Variants in ATG7 observed in about 807,000 individuals in gnomAD.
The protein encoded by ATG7 is ubiquitin-like modifier-activating enzyme ATG7.
Under a neutral mutation model 82.4 loss-of-function variants are expected in ATG7, and 70 were observed. The ratio of observed to expected loss-of-function variants is 0.85; its 90% CI spans 0.70 to 1.04. The LOEUF (loss-of-function observed/expected upper bound fraction) is 1.04. Among genes scored for constraint, ATG7 ranks in the 50% least tolerant of loss-of-function variants. ATG7 has a pLI of 0.00. For missense variants in ATG7, 792 were observed against 864.3 expected, an observed-to-expected ratio of 0.92 and a Z score of 1.05; for synonymous variants, 287 against 313.0, an observed-to-expected ratio of 0.92 and a Z score of 0.88.
At chr3:11,475,592 T>C (rs934991354) in intron 20 of ATG7, among the ~76,000 whole-genome samples, 1 of 152,088 alleles carries the variant, frequency 6.6e-6, no homozygotes, top group African/African-American at 2.4e-5. Context: ...ACGCGGATGC[T>C]ACCCTCTGCA....
chr3:11,361,201 T>C (rs1159572096), intron 16 of ATG7, among the ~76,000 whole-genome samples: 1 of 152,080 alleles, frequency 6.6e-6, no homozygotes, highest in African/African-American at 2.4e-5. Flanking sequence ...CTTTGCAAAA[T>C]AGGAGTGATG....
chr3:11,456,219 A>T (rs539294964), intron 20 of ATG7, among the ~76,000 whole-genome samples: 1 of 152,312 alleles, frequency 6.6e-6, no homozygotes, highest in Admixed American at 6.5e-5. Context: ...TGAACATCTC[A>T]TATAAATGGA....
chr3:11,463,000 C>A (rs574930829), intron 20 of ATG7, among the ~76,000 whole-genome samples: 1 of 151,984 alleles, frequency 6.6e-6, no homozygotes, highest in East Asian at 1.9e-4. Flanking sequence ...ATTCTTCCAC[C>A]TCAGCCTCCC....
intron 11 of ATG7, among the ~76,000 whole-genome samples, chr3:11,340,065 G>A (rs918349953): frequency 6.6e-6 from 1 of 152,142 alleles, no homozygotes; most frequent in African/African-American, 2.4e-5. Context: ...AGAGGGCTGC[G>A]GGGAAGGGAG....
chr3:11,531,117 G>A (rs1430734903), intron 20 of ATG7, among the ~76,000 whole-genome samples: 1 of 152,216 alleles, frequency 6.6e-6, no homozygotes, highest in African/African-American at 2.4e-5. Context: ...GAAGGGCTGA[G>A]GCACAGAGAA....
intron 18 of ATG7, among the ~76,000 whole-genome samples, chr3:11,377,048 G>T (rs1405462116): frequency 1.3e-5 from 2 of 152,106 alleles, no homozygotes; most frequent in East Asian, 1.9e-4. Flanking sequence ...CTTGTCTGCC[G>T]CCTTTTGTCA....
At chr3:11,363,103 A>C (rs1380403929) in intron 17 of ATG7, 175 bp downstream of exon 17, 2 of 583,202 alleles carry the variant, frequency 3.4e-6, no homozygotes, top group Non-Finnish European at 6.1e-6. Flanking sequence ...ATAACTTGGC[A>C]TGTTTCCTTT....
the ATG7 span, among the ~76,000 whole-genome samples, chr3:11,570,301 C>G: frequency 6.6e-6 from 1 of 152,144 alleles, no homozygotes; most frequent in Non-Finnish European, 1.5e-5. Flanking sequence ...TCCGACCCAC[C>G]AGCACCATTT....
intron 3 of ATG7, 124 bp from the exon 4 acceptor site, chr3:11,298,562 A>G: frequency 1.1e-6 from 1 of 881,740 alleles, no homozygotes; most frequent in Non-Finnish European, 1.7e-6. Context: ...TTGTGTTTCA[A>G]GGTAGCCTGT....
intron 20 of ATG7, among the ~76,000 whole-genome samples, chr3:11,432,764 T>C (rs6442253): frequency 0.83 from 126,736 of 152,174 alleles, 52,959 homozygotes; most frequent in East Asian, 1. Flanking sequence ...TCAGCTTTCT[T>C]CCCTCTTAAA....
chr3:11,326,105 C>T (rs1950839310), intron 9 of ATG7, among the ~76,000 whole-genome samples: 1 of 152,110 alleles, frequency 6.6e-6, no homozygotes, highest in Non-Finnish European at 1.5e-5. Flanking sequence ...AAGGAACTTC[C>T]CCCAATGTCT....
In ATG7 at chr3:11,368,846, T is replaced by C. The variant is rs1015169769; in HGVS notation, c.1875+4112T>C. Among the ~76,000 whole-genome samples the C allele has an allele frequency of 4.0e-5, 6 of 151,030 alleles. 1 individual carries two copies. The highest frequency in any genetic ancestry group is 1.5e-4 in the African/African-American group (6 of 40,862). On this transcript the variant is annotated intron_variant, in intron 18 of 20. Transcript: ENST00000693202. ...CCACTTGTGGACCAAGCAGTTCACA[T>C]CTTTTGTCTTTAGGTGAATGAACTC...
intron 19 of ATG7, among the ~76,000 whole-genome samples, chr3:11,394,265 A>G (rs1207609187): frequency 1.3e-5 from 2 of 152,160 alleles, no homozygotes; most frequent in Non-Finnish European, 2.9e-5. Context: ...TGTACTAAGG[A>G]TATATTATAT....
chr3:11,493,433 A>G (rs2153051413), intron 20 of ATG7, among the ~76,000 whole-genome samples: 1 of 152,346 alleles, frequency 6.6e-6, no homozygotes. Context: ...GTAAAAAGAC[A>G]TTATTCAGAA....
chr3:11,413,672 A>G (rs1390760204), intron 19 of ATG7, among the ~76,000 whole-genome samples: 1 of 152,248 alleles, frequency 6.6e-6, no homozygotes, highest in Non-Finnish European at 1.5e-5. Context: ...GCATTAATTT[A>G]TAAGTGGTAT....
chr3:11,573,215 A>C, the ATG7 span, among the ~76,000 whole-genome samples: 2 of 148,072 alleles, frequency 1.4e-5, no homozygotes, highest in Admixed American at 1.3e-4. Flanking sequence ...GAAGAGAGAG[A>C]GAGAAAGACA....
intron 5 of ATG7, among the ~76,000 whole-genome samples, chr3:11,302,953 G>A (rs2606761): frequency 0.87 from 132,162 of 152,276 alleles, 57,640 homozygotes; most frequent in East Asian, 1. Context: ...TATCCTGCTG[G>A]ATCAGACCCA....
chr3:11,451,945 T>A (rs1376140403), intron 20 of ATG7, among the ~76,000 whole-genome samples: 2 of 127,970 alleles, frequency 1.6e-5, no homozygotes, highest in African/African-American at 6.1e-5. Flanking sequence ...AATGAGATTC[T>A]ATTTTTGTGA....
At chr3:11,526,699 C>T (rs961179329) in intron 20 of ATG7, among the ~76,000 whole-genome samples, 1 of 152,116 alleles carries the variant, frequency 6.6e-6, no homozygotes, top group Non-Finnish European at 1.5e-5. Context: ...ATAGTTTATA[C>T]TCTTGTTGTC....
Sources: allele counts gnomAD v4.1 joint callset (sites outside exome capture counted in the v4.1 genomes callset), GRCh38; gene constraint gnomAD v4.1.1; transcripts MANE v1.5; gene names NCBI Gene and HGNC (gene_info 2026-07-23, HGNC 2026-07-21).